The following CTU2 variants were observed in gnomAD, a reference collection of about 807,000 sequenced individuals.
CTU2 encodes the protein cytosolic thiouridylase subunit 2.
In CTU2, 80 loss-of-function variants were observed where a neutral mutation model predicts 64.1. The ratio of observed to expected loss-of-function variants is 1.25; its 90% CI spans 1.04 to 1.50. The LOEUF (loss-of-function observed/expected upper bound fraction) is 1.50. Among genes scored for constraint, CTU2 ranks in the 40% most tolerant of loss-of-function variants. The pLI is 0.00. For missense variants in CTU2, 1,110 were observed against 690.2 expected (o/e 1.61, Z -6.81); for synonymous variants, 482 against 285.3 (o/e 1.69, Z -6.95).
At chr16:88,715,027 C>G (rs186274826) in intron 13 of CTU2, 21 bp from the exon 14 acceptor site, 4 of 1,576,658 alleles carry the variant, frequency 2.5e-6, no homozygotes, top group Non-Finnish European at 2.6e-6. Flanking sequence ...CTTGGCCCCT[C>G]GACACCGGCC....
At chr16:88,714,519 GAGGGAGCC>G in intron 11 of CTU2, 33 bp downstream of exon 11, 2 of 1,612,472 alleles carry the variant, frequency 1.2e-6, no homozygotes, top group East Asian at 2.2e-5. Flanking sequence ...GTGATGCGGG[GAGGGAGCC>G]AGGGAGTGGG....
In CTU2 at chr16:88,713,422, G is replaced by T. The variant is rs750747068; in HGVS notation, c.848G>T (p.Arg283Leu). 7 of 1,592,676 alleles carry T rather than the reference G, an allele frequency of 4.4e-6. No homozygotes were observed. Among genetic ancestry groups the T allele is most frequent in the Non-Finnish European group, 6.0e-6 (7 of 1,173,410 alleles). ...CTCATGACCAACCTGGCGCTGGGTCGAGGGGCCTTCCTGGCCTGGGATACG... is the reference window on the plus strand; with the variant it reads ...CTCATGACCAACCTGGCGCTGGGTCTAGGGGCCTTCCTGGCCTGGGATACG... ...IKLMTNLALG[R>L]GAFLAWDTGF... The change falls in exon 8 of 15, where the codon CGA (arginine) becomes CTA (leucine). Residue 283 changes from arginine (R) to leucine (L), a missense_variant. Physicochemically the swap from Arg to Leu is moderately radical, Grantham distance 102 (BLOSUM62 -2). Transcript: ENST00000453996.
In CTU2 at chr16:88,713,771, A is replaced by G; in HGVS notation, c.998A>G (p.Asp333Gly). 2.5e-6 allele frequency: 4 copies of G among 1,612,614 alleles called. No homozygotes were observed. Among genetic ancestry groups the G allele is most frequent in the Non-Finnish European group, 3.4e-6 (4 of 1,179,838 alleles). ...CCTTCTGTCTTCACACCAGCCGTCG[A>G]CACCAAGGTGGGCCTTGTGGGCTGG... Reference protein sequence around the residue: ...SVPSVFTPAVDTKAPEKASIH... With the variant: ...SVPSVFTPAVGTKAPEKASIH... The change falls in exon 9 of 15, where the codon GAC becomes GGC. Residue 333 changes from aspartate to glycine, a missense_variant. Physicochemically the swap from Asp to Gly is moderately conservative, Grantham distance 94. Transcript: ENST00000453996.
In CTU2 at chr16:88,715,249, T is replaced by C; in HGVS notation, c.1546T>C (p.Ter516ArgextTer2). 1.2e-6 allele frequency: 2 copies of C among 1,611,382 alleles called. No individual in the cohort carries two copies. The highest frequency in any genetic ancestry group is 2.2e-5 in the East Asian group (1 of 44,886). ...CAGTGACGACGAGGCGGGCCAGAGCTGAGCGTGAGGACGTGCTTGCCGGGA... is the reference window on the plus strand; with the variant it reads ...CAGTGACGACGAGGCGGGCCAGAGCCGAGCGTGAGGACGTGCTTGCCGGGA... Reference protein sequence around the residue: ...EDSDDEAGQS* With the variant: ...EDSDDEAGQSR Residue 516 changes from the stop codon to arginine, a stop_lost, in exon 15 of 15, where the codon TGA (stop) becomes CGA (arginine). Coordinates refer to ENST00000453996, the MANE Select transcript of CTU2 (RefSeq NM_001012759.3).
intron 8 of CTU2, 79 bp downstream of exon 8, chr16:88,713,526 C>T (rs940141507): frequency 4.1e-5 from 61 of 1,496,414 alleles, no homozygotes; most frequent in Non-Finnish European, 4.8e-5. Context: ...AGTAGCCTCT[C>T]GCGTATCAGT....
At chr16:88,712,150 T>C (rs1390457597) in intron 5 of CTU2, 124 bp from the exon 6 acceptor site, 2 of 843,908 alleles carry the variant, frequency 2.4e-6, no homozygotes, top group East Asian at 5.3e-5. Context: ...ACCCCACAGC[T>C]CCGCCAGGAA....
At position 88,715,349 on chromosome 16, in the gene CTU2, A is replaced by ATTTGTATAAATAAAACAT; in HGVS notation, c.*102_*119dup. On this transcript the variant is annotated 3_prime_UTR_variant, in exon 15 of 15. Transcript: ENST00000453996. ...ACGGGGGACTGGCCTCTGATTGTCCATTTGTATAAATAAAACATTTTTTAA... is the reference window on the plus strand; with the variant it reads ...ACGGGGGACTGGCCTCTGATTGTCCATTTGTATAAATAAAACATTTTGTATAAATAAAACATTTTTTAA... 1 of 1,263,844 alleles carries ATTTGTATAAATAAAACAT rather than the reference A, an allele frequency of 7.9e-7. No individual in the cohort carries two copies. Among genetic ancestry groups the ATTTGTATAAATAAAACAT allele is most frequent in the Non-Finnish European group, 1.1e-6 (1 of 921,014 alleles). 78.3% of individuals were successfully genotyped at this position (1,263,844 alleles called of 1,614,324 possible).
Position 88,714,400 on chromosome 16 carries a change from T to A in CTU2, c.1115T>A (p.Val372Glu). Residue 372 changes from valine (V) to glutamate (E), a missense_variant, in exon 11 of 15, where the codon GTG becomes GAG. Val to Glu is a moderately radical substitution (Grantham distance 121). Coordinates refer to ENST00000453996, the MANE Select transcript of CTU2 (RefSeq NM_001012759.3). ...STVYRTSEKLVKGPRDGPAAG... is the reference protein window; with the variant it reads ...STVYRTSEKLEKGPRDGPAAG... ...GGCCACAGGACAAGTGAGAAGCTGGTGAAGGGCCCCCGGGATGGCCCTGCT... is the reference window on the plus strand; with the variant it reads ...GGCCACAGGACAAGTGAGAAGCTGGAGAAGGGCCCCCGGGATGGCCCTGCT... 1.9e-6 allele frequency: 3 copies of A among 1,612,486 alleles called. No individual in the cohort carries two copies. Among genetic ancestry groups the A allele is most frequent in the Non-Finnish European group, 2.5e-6 (3 of 1,179,796 alleles).
chr16:88,714,838 A>G, intron 12 of CTU2, 22 bp from the exon 13 acceptor site: 3 of 1,612,436 alleles, frequency 1.9e-6, no homozygotes, highest in Non-Finnish European at 2.5e-6. Flanking sequence ...AGGTGGGCAC[A>G]CAGCCAGCTC....
intron 6 of CTU2, 32 bp from the exon 7 acceptor site, chr16:88,712,590 G>A (rs529726545): frequency 6.9e-6 from 11 of 1,597,910 alleles, no homozygotes; most frequent in East Asian, 2.2e-5. Flanking sequence ...CCCGTGTCCC[G>A]GGCCTCACTG....
chr16:88,709,976 C>G lies in CTU2; in HGVS notation c.182C>G (p.Ala61Gly). 6.8e-6 allele frequency: 11 copies of G among 1,613,970 alleles called. No individual in the cohort carries two copies. The highest frequency in any genetic ancestry group is 1.3e-5 in the African/African-American group (1 of 75,052). ...FKAFYVHKFR[A>G]MLGKNRLIFP... ...GCCTTCTACGTCCACAAGTTCAGAG[C>G]CATGCTGGGCAAGAACCGGCTCATC... is the stretch of plus-strand genomic sequence containing the variant. Residue 61 changes from alanine (A) to glycine (G), a missense_variant, in exon 3 of 15, where the codon GCC becomes GGC. Ala to Gly is a moderately conservative substitution (Grantham distance 60). Transcript: ENST00000453996.
In CTU2 at chr16:88,714,495, T is replaced by C; in HGVS notation, c.1201+9T>C. ...GGACGTCGACGCCGCTGGTCTGTGT[T>C]TCATGCTCTTGGGGTGATGCGGGGA... On this transcript the variant is annotated intron_variant, in intron 11 of 14. Transcript: ENST00000453996. The C allele has an allele frequency of 6.2e-7, 1 of 1,612,606 alleles. No homozygotes were observed. Among genetic ancestry groups the C allele is most frequent in the African/African-American group, 1.3e-5 (1 of 75,022 alleles).
chr16:88,714,205 T>G lies in CTU2; in HGVS notation c.1075T>G (p.Ser359Ala), dbSNP rs772769195. The change falls in exon 10 of 15, where the codon TCC (serine) becomes GCC (alanine). Residue 359 changes from serine (S) to alanine (A), a missense_variant. Ser to Ala is a moderately conservative substitution (Grantham distance 99). Transcript: ENST00000453996. ...FILRLQTQFP[S>A]TVSTVYRTSE... Reference sequence around the variant, plus strand: ...CCTCAGGCTGCAGACCCAGTTCCCCTCCACTGTCAGCACTGTGTACAGGTG... The same window carrying G: ...CCTCAGGCTGCAGACCCAGTTCCCCGCCACTGTCAGCACTGTGTACAGGTG... 6.2e-7 allele frequency: 1 copy of G among 1,609,246 alleles called. No homozygotes were observed.
At position 88,714,458 on chromosome 16, in the gene CTU2, C is replaced by T. The variant is rs771422328; in HGVS notation, c.1173C>T (p.Cys391=). ...ACTCCGGCCCCCGCTGCCTCCTCTG[C>T]ATGTGTGCCCTGGACGTCGACGCCG... ...AGDSGPRCLL[C]MCALDVDAAD... Residue 391 remains cysteine, a synonymous_variant, in exon 11 of 15, where the codon TGC becomes TGT. Coordinates refer to ENST00000453996, the MANE Select transcript of CTU2 (RefSeq NM_001012759.3). The T allele has an allele frequency of 6.2e-7, 1 of 1,612,636 alleles. No individual in the cohort carries two copies. Among genetic ancestry groups the T allele is most frequent in the Admixed American group, 1.7e-5 (1 of 60,024 alleles).
At chr16:88,707,058 G>T in intron 1 of CTU2, 78 bp from the exon 2 acceptor site, 1 of 1,425,286 alleles carries the variant, frequency 7.0e-7, no homozygotes, top group South Asian at 1.1e-5. Context: ...AGAAACAGGA[G>T]CTGTCTCCCC....
At chr16:88,711,237 G>A (rs546806111) in intron 4 of CTU2, among the ~76,000 whole-genome samples, 6 of 152,250 alleles carry the variant, frequency 3.9e-5, no homozygotes, top group Admixed American at 2.6e-4. Context: ...TGTGCCCAGC[G>A]GCGCCCCTGC....
intron 2 of CTU2, among the ~76,000 whole-genome samples, chr16:88,708,091 G>A (rs1471441584): frequency 1.3e-5 from 2 of 152,216 alleles, no homozygotes; most frequent in Admixed American, 1.3e-4. Flanking sequence ...TGGGATTACA[G>A]GCATGAGCCA....
At chr16:88,710,396 G>T in intron 4 of CTU2, 114 bp downstream of exon 4, 2 of 1,089,118 alleles carry the variant, frequency 1.8e-6, no homozygotes. Flanking sequence ...AGTCCACCCT[G>T]CGGCCTGGAC....
At position 88,713,449 on chromosome 16, in the gene CTU2, T is replaced by G; in HGVS notation, c.873+2T>G. The G allele has an allele frequency of 6.3e-7, 1 of 1,575,630 alleles. No individual in the cohort carries two copies. Among genetic ancestry groups the G allele is most frequent in the Non-Finnish European group, 8.6e-7 (1 of 1,167,736 alleles). ...GGGGCCTTCCTGGCCTGGGATACGG[T>G]AGGCAGGGGCCTGGGTGTTCAGGAG... is the stretch of plus-strand genomic sequence containing the variant. On this transcript the variant is annotated splice_donor_variant, in intron 8 of 14. Coordinates refer to ENST00000453996, the MANE Select transcript of CTU2 (RefSeq NM_001012759.3). LOFTEE classifies it high-confidence loss of function.
Sources: gnomAD v4.1 joint callset for allele counts (sites outside exome capture counted in the v4.1 genomes callset) on GRCh38, gnomAD v4.1.1 for gene constraint, MANE v1.5 for transcripts, NCBI Gene and HGNC (gene_info 2026-07-23, HGNC 2026-07-21) for gene names.